Variants in AKAP12 observed in about 807,000 individuals in gnomAD.
AKAP12 encodes A-kinase anchor protein 12.
A neutral mutation model predicts 79.9 loss-of-function variants in AKAP12; 32 were observed. That is an observed-to-expected ratio of 0.40 (90% CI 0.30 to 0.54). AKAP12 has a LOEUF of 0.54. Ranked by LOEUF, AKAP12 falls within the 20% of genes least tolerant of loss-of-function variation. The pLI is 0.48. For missense variants in AKAP12, 2,074 were observed against 2,177.0 expected (o/e 0.95, Z 0.94); for synonymous variants, 808 against 857.0 (o/e 0.94, Z 1.00).
At chr6:151,321,224 T>C (rs1426272848) in intron 3 of AKAP12, among the ~76,000 whole-genome samples, 1 of 152,128 alleles carries the variant, frequency 6.6e-6, no homozygotes, top group East Asian at 1.9e-4. Flanking sequence ...TGACCTCAAG[T>C]GATCTGCCCG....
intron 2 of AKAP12, among the ~76,000 whole-genome samples, chr6:151,249,348 A>G (rs1474670763): frequency 1.3e-5 from 2 of 152,150 alleles, no homozygotes; most frequent in African/African-American, 4.8e-5. Flanking sequence ...TCTTCCATTT[A>G]TTTTTTAATA....
chr6:151,277,834 C>G (rs1456888562), intron 2 of AKAP12, among the ~76,000 whole-genome samples: 1 of 152,026 alleles, frequency 6.6e-6, no homozygotes, highest in Non-Finnish European at 1.5e-5. Flanking sequence ...TGTATTGGTT[C>G]TTCTGGTGCT....
At chr6:151,343,014 C>T (rs1326186972) in intron 3 of AKAP12, among the ~76,000 whole-genome samples, 1 of 152,226 alleles carries the variant, frequency 6.6e-6, no homozygotes, top group African/African-American at 2.4e-5. Context: ...CCGCCTGCCT[C>T]AGCCTCCCAA....
chr6:151,275,807 T>A (rs952089043), intron 2 of AKAP12, among the ~76,000 whole-genome samples: 18 of 152,212 alleles, frequency 1.2e-4, no homozygotes, highest in African/African-American at 4.3e-4. Flanking sequence ...TGCCTTTGTA[T>A]TTTCCACTCC....
At chr6:151,302,017 T>TC (rs1302013108) in intron 2 of AKAP12, among the ~76,000 whole-genome samples, 16 of 147,386 alleles carry the variant, frequency 1.1e-4, no homozygotes, top group African/African-American at 3.6e-4. Context: ...TCTTTTTTTT[T>TC]TCTTTTTTTT....
rs1582907284 is a variant in AKAP12, at chr6:151,356,333, T to A, written c.*619T>A. 6.6e-6 allele frequency: 1 copy of A among 152,656 alleles called. No individual in the cohort carries two copies. Among genetic ancestry groups the A allele is most frequent in the East Asian group, 1.9e-4 (1 of 5,192 alleles). The allele number at this position is 152,656 out of a possible 1,614,324, so 9.5% of individuals were successfully genotyped here. On this transcript the variant is annotated 3_prime_UTR_variant, in exon 5 of 5. Coordinates refer to ENST00000402676, the MANE Select transcript of AKAP12 (RefSeq NM_005100.4). ...GGTACTCTGAAATTGGTCACTTTCC[T>A]ATTACACGGAGTGTGCTAAAACTAA...
intron 2 of AKAP12, among the ~76,000 whole-genome samples, chr6:151,291,958 C>G (rs1396361511): frequency 1.3e-5 from 2 of 152,182 alleles, no homozygotes; most frequent in African/African-American, 2.4e-5. Context: ...GCAGTGGAAC[C>G]CTCTGCCTAG....
intron 2 of AKAP12, among the ~76,000 whole-genome samples, chr6:151,276,266 GT>G (rs1230253686): frequency 5.3e-5 from 8 of 152,180 alleles, no homozygotes; most frequent in South Asian, 2.1e-4. Flanking sequence ...CTAAAATTGT[GT>G]AAAAGTTCAT....
chr6:151,346,914 G>C (rs895313072), intron 3 of AKAP12, among the ~76,000 whole-genome samples: 2 of 152,094 alleles, frequency 1.3e-5, no homozygotes, highest in Non-Finnish European at 2.9e-5. Flanking sequence ...TTAAAGAAGC[G>C]CTCCCTTCTC....
chr6:151,323,919 C>T lies in AKAP12; in HGVS notation c.319+18016C>T, dbSNP rs971511381. On this transcript the variant is annotated intron_variant, in intron 3 of 4. Coordinates refer to ENST00000402676, the MANE Select transcript of AKAP12 (RefSeq NM_005100.4). Reference sequence around the variant, plus strand: ...AAGCCCTCAGATCCCAGATCACCCACGGCTCCTGGGACATCTCTGGGGAAG... The same window carrying T: ...AAGCCCTCAGATCCCAGATCACCCATGGCTCCTGGGACATCTCTGGGGAAG... The T allele has an allele frequency of 2.0e-5, 20 of 985,256 alleles. No homozygotes were observed. In the African/African-American group the frequency reaches 2.4e-4, roughly 12 times the overall value. 61.0% of individuals were successfully genotyped at this position (985,256 alleles called of 1,614,324 possible). A position where few individuals can be genotyped will look rare whatever the true frequency, so the allele number is the denominator to read the frequency against.
At chr6:151,287,516 C>T (rs1033194617) in intron 2 of AKAP12, among the ~76,000 whole-genome samples, 26 of 152,136 alleles carry the variant, frequency 1.7e-4, no homozygotes, top group African/African-American at 5.3e-4. Flanking sequence ...CCACCTCGGC[C>T]TTGGAAAGTG....
chr6:151,323,711 T>C (rs1777457137), intron 3 of AKAP12: 1 of 985,414 alleles, frequency 1.0e-6, no homozygotes, highest in Non-Finnish European at 1.2e-6. Flanking sequence ...GTTTTTCTTT[T>C]TCTTCCTATC....
chr6:151,278,318 C>T lies in AKAP12; in HGVS notation c.163-27429C>T, dbSNP rs139625564. Among the ~76,000 whole-genome samples the T allele has an allele frequency of 3.5e-3, 538 of 152,234 alleles. 6 individuals are homozygous for T. Among genetic ancestry groups the T allele is most frequent in the African/African-American group, 1.0e-2 (414 of 41,546 alleles). ...GCAGGCTTCGCCTCCTGGGTTCAAG[C>T]GATTATCCTGCCTTAGCCTCCCAAG... On this transcript the variant is annotated intron_variant, in intron 2 of 4. Coordinates refer to ENST00000402676, the MANE Select transcript of AKAP12 (RefSeq NM_005100.4).
intron 2 of AKAP12, among the ~76,000 whole-genome samples, chr6:151,261,716 AAC>A (rs1797440692): frequency 1.3e-5 from 2 of 149,580 alleles, no homozygotes; most frequent in Non-Finnish European, 3.0e-5. Context: ...AAACAAGAAC[AAC>A]AGTGGTTTTT....
rs1776965307 is a variant in AKAP12, at chr6:151,305,813, C to CA, written c.230dup (p.Glu78GlyfsTer3). 1 of 1,614,086 alleles carries CA rather than the reference C, an allele frequency of 6.2e-7. No homozygotes were observed. The highest frequency in any genetic ancestry group is 8.5e-7 in the Non-Finnish European group (1 of 1,180,002). On this transcript the variant is annotated frameshift_variant, in exon 3 of 5. Coordinates refer to ENST00000402676, the MANE Select transcript of AKAP12 (RefSeq NM_005100.4). LOFTEE classifies it high-confidence loss of function. ...AGCTGAGCAAGATGAGCTCAGCCTC[C>CA]AGGAGGGTGACCTAAATGGCCAGAA...
chr6:151,257,814 G>GT (rs1797331272), intron 2 of AKAP12, among the ~76,000 whole-genome samples: 1 of 152,106 alleles, frequency 6.6e-6, no homozygotes, highest in Admixed American at 6.6e-5. Flanking sequence ...TCCTTATTAA[G>GT]TTACATCTGT....
chr6:151,251,565 C>CT (rs1473660125), intron 2 of AKAP12, among the ~76,000 whole-genome samples: 1 of 152,188 alleles, frequency 6.6e-6, no homozygotes, highest in Non-Finnish European at 1.5e-5. Context: ...CTCCAATAGT[C>CT]TGACAAGAAC....
rs370853115 is a variant in AKAP12, at chr6:151,351,640, G to T, written c.3249G>T (p.Ala1083=). ...AAAGACCAGAAGAGCAGGCTGAAGC[G>T]TCGGGTCTGAAGAAAGAGACGGATG... The part of the protein sequence containing the change: ...EAERPEEQAE[A]SGLKKETDVV... Residue 1083 remains alanine, a synonymous_variant, in exon 4 of 5, where the codon GCG becomes GCT. Coordinates refer to ENST00000402676, the MANE Select transcript of AKAP12 (RefSeq NM_005100.4). This position sits in a 1 kb window ranked among gnomAD's most constrained non-coding sequence, Gnocchi z 4.4. The T allele has an allele frequency of 6.2e-7, 1 of 1,614,158 alleles. No individual in the cohort carries two copies. The highest frequency in any genetic ancestry group is 1.7e-5 in the Admixed American group (1 of 60,026).
chr6:151,287,411 T>A (rs1776527578), intron 2 of AKAP12, among the ~76,000 whole-genome samples: 1 of 151,938 alleles, frequency 6.6e-6, no homozygotes, highest in African/African-American at 2.4e-5. Flanking sequence ...CAGACACAAG[T>A]CAGCACGCCC....
Sources: gnomAD v4.1 joint callset for allele counts (sites outside exome capture counted in the v4.1 genomes callset) on GRCh38, gnomAD v4.1.1 for gene constraint, Gnocchi (gnomAD v3.1) non-coding constraint, MANE v1.5 for transcripts, NCBI Gene and HGNC (gene_info 2026-07-23, HGNC 2026-07-21) for gene names.